PCBD2: variants seen among roughly 807,000 people sequenced by gnomAD.
PCBD2 encodes the protein pterin-4-alpha-carbinolamine dehydratase 2.
PCBD2 carries 12 observed loss-of-function variants against 16.4 expected under a neutral mutation model. The observed-to-expected ratio is 0.73, with a 90% CI of 0.47 to 1.19. The LOEUF is 1.19. Ranked by LOEUF, PCBD2 falls within the 50% of genes most tolerant of loss-of-function variation. The probability of loss-of-function intolerance (pLI) is 0.00; values close to 1 mark genes in which losing one functional copy is unlikely to be tolerated. For synonymous variants in PCBD2, 58 were observed against 61.8 expected, an observed-to-expected ratio of 0.94 and a Z score of 0.29; for missense variants, 138 against 156.8, an observed-to-expected ratio of 0.88 and a Z score of 0.64.
chr5:134,923,255 A>G (rs1298397746), intron 2 of PCBD2: 2 of 153,486 alleles, frequency 1.3e-5, no homozygotes, highest in Non-Finnish European at 2.9e-5. Flanking sequence ...GTGAGAGAGA[A>G]TAATGGGAAG....
chr5:134,919,090 C>T (rs557395139), intron 2 of PCBD2, among the ~76,000 whole-genome samples: 1 of 152,312 alleles, frequency 6.6e-6, no homozygotes, highest in Admixed American at 6.5e-5. Flanking sequence ...CTTTTAACTG[C>T]ATAATTTGCT....
At chr5:134,919,032 C>T (rs1279006659) in intron 2 of PCBD2, among the ~76,000 whole-genome samples, 1 of 152,216 alleles carries the variant, frequency 6.6e-6, no homozygotes, top group South Asian at 2.1e-4. Context: ...CACCACACTG[C>T]AGTGTGAAAA....
At chr5:134,925,920 GA>G in intron 2 of PCBD2, 2 of 392,054 alleles carry the variant, frequency 5.1e-6, no homozygotes, top group Non-Finnish European at 9.0e-6. Context: ...GGATGAAACC[GA>G]TGTCGCCGAT....
intron 2 of PCBD2, among the ~76,000 whole-genome samples, chr5:134,921,902 T>C (rs1250813740): frequency 6.6e-6 from 1 of 152,244 alleles, no homozygotes; most frequent in South Asian, 2.1e-4. Flanking sequence ...AGTTGGTCTC[T>C]GCTCAGATAA....
Position 134,916,913 on chromosome 5 carries a change from G to A in PCBD2, c.216+6447G>A, listed in dbSNP as rs115555363. Reference sequence around the variant, plus strand: ...GAGCATGGCAGTGGTGGGACTCGAGGCAGGGAGTTTCCACACTAGGAGTGC... The same window carrying A: ...GAGCATGGCAGTGGTGGGACTCGAGACAGGGAGTTTCCACACTAGGAGTGC... On this transcript the variant is annotated intron_variant, in intron 2 of 3. Transcript: ENST00000254908. 8.1e-3 allele frequency among the ~76,000 whole-genome samples: 1,230 copies of A among 152,334 alleles called. 8 individuals carry two copies. Among genetic ancestry groups the A allele is most frequent in the Middle Eastern group, 0.037 (11 of 294 alleles).
chr5:134,905,317 G>C, intron 1 of PCBD2, 94 bp downstream of exon 1: 6 of 1,105,906 alleles, frequency 5.4e-6, no homozygotes, highest in Non-Finnish European at 6.8e-6. Context: ...GGACTGGGGC[G>C]AACCCGGCGT....
At chr5:134,913,904 G>T (rs1157386063) in intron 2 of PCBD2, among the ~76,000 whole-genome samples, 1 of 152,156 alleles carries the variant, frequency 6.6e-6, no homozygotes, top group Non-Finnish European at 1.5e-5. Context: ...AGTGCCACTG[G>T]AGCCATTTAC....
At chr5:134,920,957 C>A (rs1750896705) in intron 2 of PCBD2, among the ~76,000 whole-genome samples, 2 of 152,246 alleles carry the variant, frequency 1.3e-5, no homozygotes, top group Non-Finnish European at 1.5e-5. Context: ...TTGAGCCCAG[C>A]TGCTGAGGCT....
chr5:134,924,051 A>C, intron 2 of PCBD2: 1 of 396,124 alleles, frequency 2.5e-6, no homozygotes, highest in African/African-American at 2.1e-5. Flanking sequence ...TGGGGTCATT[A>C]GTGTTCTTGT....
rs115618620 is a variant in PCBD2, at chr5:134,958,647, A to G, written c.217-393A>G. 4.6e-3 allele frequency among the ~76,000 whole-genome samples: 697 copies of G among 152,328 alleles called. 5 individuals carry two copies. The highest frequency in any genetic ancestry group is 0.016 in the African/African-American group (648 of 41,580). On this transcript the variant is annotated intron_variant, in intron 2 of 3. Coordinates refer to ENST00000254908, the MANE Select transcript of PCBD2 (RefSeq NM_032151.5). Reference sequence around the variant, plus strand: ...TTAGTTAGCAACCCAATCACTAAAAACAAAAGGAACAGAGCTGCAAGAAAA... The same window carrying G: ...TTAGTTAGCAACCCAATCACTAAAAGCAAAAGGAACAGAGCTGCAAGAAAA...
At chr5:134,925,745 C>G in intron 2 of PCBD2, 1 of 396,318 alleles carries the variant, frequency 2.5e-6, no homozygotes, top group Non-Finnish European at 4.5e-6. Context: ...GGGGTGGGGC[C>G]TTCTATGGCT....
intron 2 of PCBD2, among the ~76,000 whole-genome samples, chr5:134,920,615 C>T (rs1750891307): frequency 6.6e-6 from 1 of 151,624 alleles, no homozygotes; most frequent in Non-Finnish European, 1.5e-5. Flanking sequence ...CTGCTAATGA[C>T]TCTGTTTGCT....
intron 2 of PCBD2, among the ~76,000 whole-genome samples, chr5:134,947,084 TA>T (rs200583446): frequency 8.1e-4 from 122 of 151,090 alleles, no homozygotes; most frequent in African/African-American, 2.5e-3. Context: ...TGCATGCTAT[TA>T]AAAAAAAAAA....
At chr5:134,924,945 G>A (rs1477529200) in intron 2 of PCBD2, 3 of 391,876 alleles carry the variant, frequency 7.7e-6, no homozygotes, top group African/African-American at 6.2e-5. Context: ...TGGTTAGGTA[G>A]TTGAGATCTA....
chr5:134,919,369 A>G (rs573192241), intron 2 of PCBD2, among the ~76,000 whole-genome samples: 16 of 152,320 alleles, frequency 1.1e-4, no homozygotes, highest in African/African-American at 3.6e-4. Flanking sequence ...TGCATGGAAA[A>G]TGTTGTGGGT....
intron 2 of PCBD2, among the ~76,000 whole-genome samples, chr5:134,912,837 C>T (rs537908145): frequency 5.3e-5 from 8 of 152,296 alleles, no homozygotes; most frequent in Non-Finnish European, 8.8e-5. Context: ...TTGGTTTTCT[C>T]TTGCTCACAA....
intron 2 of PCBD2, among the ~76,000 whole-genome samples, chr5:134,911,855 C>T (rs545096922): frequency 3.0e-4 from 45 of 152,326 alleles, no homozygotes; most frequent in Non-Finnish European, 5.3e-4. Flanking sequence ...GGGCTTAGCA[C>T]GCTGTGGCTG....
rs1271634770 is a variant in PCBD2 at position 134,940,430 on chromosome 5, TA to T, written c.217-18609del. 1.5e-3 allele frequency among the ~76,000 whole-genome samples: 234 copies of T among 151,116 alleles called. 1 individual carries two copies. The highest frequency in any genetic ancestry group is 5.4e-3 in the African/African-American group (221 of 41,122). ...CATCCCATAGTCATGGTGCAGCATA[TA>T]TATTTTTTTTTTTAATAACCCTGGA... On this transcript the variant is annotated intron_variant, in intron 2 of 3. Transcript: ENST00000254908.
intron 2 of PCBD2, among the ~76,000 whole-genome samples, chr5:134,934,443 G>C (rs532983333): frequency 6.6e-6 from 1 of 152,230 alleles, no homozygotes; most frequent in African/African-American, 2.4e-5. Flanking sequence ...GTCTAATCAG[G>C]TCGTGTGCTT....
Sources: gnomAD v4.1 joint callset for allele counts (sites outside exome capture counted in the v4.1 genomes callset) on GRCh38, gnomAD v4.1.1 for gene constraint, MANE v1.5 for transcripts, NCBI Gene and HGNC (gene_info 2026-07-23, HGNC 2026-07-21) for gene names.